RBFOX1: variants seen among roughly 807,000 people sequenced by gnomAD.
The protein encoded by RBFOX1 is RNA binding fox-1 homolog 1, also known as RNA binding protein fox-1 homolog 1.
Under a neutral mutation model 57.7 loss-of-function variants are expected in RBFOX1, and 8 were observed. The observed-to-expected ratio is 0.14, with a 90% CI of 0.08 to 0.25. RBFOX1 has a LOEUF of 0.25. RBFOX1 is among the 10% of genes least tolerant of loss of function. The pLI is 1.00. For synonymous variants in RBFOX1, 326 were observed against 222.4 expected, an observed-to-expected ratio of 1.47 and a Z score of -4.15; for missense variants, 611 against 548.5, an observed-to-expected ratio of 1.11 and a Z score of -1.14.
chr16:7,662,304 C>A (rs923001028), intron 12 of RBFOX1, among the ~76,000 whole-genome samples: 1 of 152,184 alleles, frequency 6.6e-6, no homozygotes, highest in Non-Finnish European at 1.5e-5. Flanking sequence ...TTGCCCTGGT[C>A]TCCTAATTCA....
At chr16:5,515,087 C>G (rs1462134350) in intron 2 of RBFOX1, among the ~76,000 whole-genome samples, 1 of 152,190 alleles carries the variant, frequency 6.6e-6, no homozygotes, top group African/African-American at 2.4e-5. Flanking sequence ...AACAAGAACT[C>G]ATTTATTACA....
chr16:6,247,440 A>G (rs1429324760), intron 1 of RBFOX1, among the ~76,000 whole-genome samples: 2 of 152,202 alleles, frequency 1.3e-5, no homozygotes, highest in African/African-American at 4.8e-5. Context: ...TTCACAGAAG[A>G]TTAGGGAGAG....
intron 4 of RBFOX1, among the ~76,000 whole-genome samples, chr16:7,211,703 G>T (rs1412357922): frequency 6.6e-6 from 1 of 152,114 alleles, no homozygotes; most frequent in Non-Finnish European, 1.5e-5. Flanking sequence ...GGGGTAATGG[G>T]TGGGTTTCCT....
intron 1 of RBFOX1, among the ~76,000 whole-genome samples, chr16:5,391,908 C>T (rs983890336): frequency 1.3e-5 from 2 of 151,066 alleles, no homozygotes; most frequent in African/African-American, 2.4e-5. Context: ...CACACACACA[C>T]GCACACACAT....
chr16:6,764,923 C>A (rs149527887), intron 3 of RBFOX1, among the ~76,000 whole-genome samples: 1 of 151,434 alleles, frequency 6.6e-6, no homozygotes, highest in Non-Finnish European at 1.5e-5. Flanking sequence ...GATGACAGAG[C>A]AAGACTGTTT....
intron 1 of RBFOX1, among the ~76,000 whole-genome samples, chr16:6,061,004 C>T (rs1464257197): frequency 6.6e-6 from 1 of 152,178 alleles, no homozygotes; most frequent in Non-Finnish European, 1.5e-5. Context: ...TTTACAGTTA[C>T]TGAGGACAGA....
chr16:5,700,871 T>C (rs148284521), intron 3 of RBFOX1, among the ~76,000 whole-genome samples: 5 of 152,288 alleles, frequency 3.3e-5, no homozygotes, highest in African/African-American at 1.2e-4. Context: ...CAGTTGTAGG[T>C]CACATGTCCA....
At chr16:6,749,412 T>C (rs963063940) in intron 3 of RBFOX1, among the ~76,000 whole-genome samples, 4 of 152,166 alleles carry the variant, frequency 2.6e-5, no homozygotes, top group African/African-American at 9.7e-5. Flanking sequence ...AGATGGACCC[T>C]GGTTCTTGCT....
chr16:7,027,184 G>T (rs993785612), intron 3 of RBFOX1, among the ~76,000 whole-genome samples: 2 of 152,092 alleles, frequency 1.3e-5, no homozygotes, highest in African/African-American at 2.4e-5. Context: ...CCTGAAGGCA[G>T]GAGCTGTATC....
intron 2 of RBFOX1, chr16:6,577,163 C>G (rs927434995): frequency 3.3e-5 from 5 of 152,174 alleles, no homozygotes; most frequent in African/African-American, 1.2e-4. Context: ...ACCTGGGTCG[C>G]TGAATGACTG....
chr16:5,656,277 G>A (rs1432384416), intron 3 of RBFOX1, among the ~76,000 whole-genome samples: 2 of 152,060 alleles, frequency 1.3e-5, no homozygotes, highest in African/African-American at 4.8e-5. Context: ...CTTTCAGGAT[G>A]AAAAAAGTAA....
At chr16:5,386,833 C>T (rs1429641336) in intron 1 of RBFOX1, among the ~76,000 whole-genome samples, 1 of 152,148 alleles carries the variant, frequency 6.6e-6, no homozygotes, top group Admixed American at 6.5e-5. Context: ...GGCGGATCAC[C>T]TGAGGTCAGG....
At chr16:5,569,017 T>A (rs1397176587) in intron 2 of RBFOX1, among the ~76,000 whole-genome samples, 4 of 36,846 alleles carry the variant, frequency 1.1e-4, no homozygotes, top group Non-Finnish European at 1.9e-4. Context: ...ATTTTTGTAT[T>A]TTTTTTTTTT....
chr16:6,658,928 G>GT (rs981949678), intron 3 of RBFOX1, among the ~76,000 whole-genome samples: 2 of 87,616 alleles, frequency 2.3e-5, no homozygotes, highest in Middle Eastern at 5.5e-3. Context: ...TTGTTTTTTG[G>GT]TTTTTTTGTT....
chr16:6,071,564 A>G (rs1212451316), intron 1 of RBFOX1, among the ~76,000 whole-genome samples: 1 of 152,240 alleles, frequency 6.6e-6, no homozygotes, highest in African/African-American at 2.4e-5. Flanking sequence ...TTGGTAAATC[A>G]ACCAAGATAG....
intron 3 of RBFOX1, among the ~76,000 whole-genome samples, chr16:5,715,898 G>T (rs538895161): frequency 1.3e-5 from 2 of 152,222 alleles, no homozygotes; most frequent in Non-Finnish European, 2.9e-5. Context: ...GAGTGGTGCA[G>T]TGTGCCAAGG....
intron 14 of RBFOX1, among the ~76,000 whole-genome samples, chr16:7,681,932 G>C (rs997417200): frequency 2.6e-5 from 4 of 152,096 alleles, no homozygotes; most frequent in Non-Finnish European, 4.4e-5. Context: ...GGCAAGGAGA[G>C]ATCTCAAGAT....
chr16:6,201,379 T>C (rs2097214142), intron 1 of RBFOX1, among the ~76,000 whole-genome samples: 1 of 152,140 alleles, frequency 6.6e-6, no homozygotes, highest in African/African-American at 2.4e-5. Context: ...GGAACCTCCA[T>C]ACTGTTCCCC....
intron 9 of RBFOX1, among the ~76,000 whole-genome samples, chr16:7,598,522 G>A (rs1056575163): frequency 1.3e-5 from 2 of 151,998 alleles, no homozygotes; most frequent in Non-Finnish European, 2.9e-5. Context: ...TAAAAGAAAC[G>A]TTAAAGACAA....
Sources: allele counts gnomAD v4.1 joint callset (sites outside exome capture counted in the v4.1 genomes callset), GRCh38; gene constraint gnomAD v4.1.1; transcripts MANE v1.5; gene names NCBI Gene and HGNC (gene_info 2026-07-23, HGNC 2026-07-21).